PCBP3: variants seen among roughly 807,000 people sequenced by gnomAD.
The protein encoded by PCBP3 is poly(rC) binding protein 3, also known as poly(rC)-binding protein 3.
In PCBP3, 25 loss-of-function variants were observed where a neutral mutation model predicts 52.7. The observed-to-expected ratio is 0.47, with a 90% CI of 0.35 to 0.66. PCBP3 has a LOEUF of 0.66. PCBP3 is among the 30% of genes least tolerant of loss of function. The pLI is 0.01. For synonymous variants in PCBP3, 162 were observed against 183.0 expected, an observed-to-expected ratio of 0.89 and a Z score of 0.93; for missense variants, 391 against 490.3, an observed-to-expected ratio of 0.80 and a Z score of 1.91.
chr21:45,668,292 A>G (rs545786673), intron 1 of PCBP3, among the ~76,000 whole-genome samples: 2 of 152,240 alleles, frequency 1.3e-5, no homozygotes, highest in South Asian at 2.1e-4. Flanking sequence ...GAGTTAATAT[A>G]TTATTTGTTC....
At chr21:45,929,523 A>G (rs1442435996) in intron 13 of PCBP3, among the ~76,000 whole-genome samples, 1 of 152,050 alleles carries the variant, frequency 6.6e-6, no homozygotes, top group East Asian at 1.9e-4. Flanking sequence ...GTGACTAGTG[A>G]CTCGGCCTTG....
At chr21:45,648,450 G>A (rs2079467200) in intron 1 of PCBP3, among the ~76,000 whole-genome samples, 1 of 152,166 alleles carries the variant, frequency 6.6e-6, no homozygotes, top group Admixed American at 6.5e-5. Flanking sequence ...CCCACTTCCA[G>A]TCTCTCTCAG....
At chr21:45,896,962 C>T (rs9979966) in intron 6 of PCBP3, among the ~76,000 whole-genome samples, 21 of 70,768 alleles carry the variant, frequency 3.0e-4, no homozygotes, top group Admixed American at 5.1e-4. Flanking sequence ...ATGCACTGCC[C>T]GGGCCATTGT....
At chr21:45,779,272 T>A (rs1419612720) in intron 4 of PCBP3, among the ~76,000 whole-genome samples, 1 of 152,150 alleles carries the variant, frequency 6.6e-6, no homozygotes, top group Non-Finnish European at 1.5e-5. Flanking sequence ...TCTCCTGATG[T>A]TATTTTCAGG....
intron 4 of PCBP3, among the ~76,000 whole-genome samples, chr21:45,755,799 T>C (rs1019488040): frequency 4.6e-5 from 7 of 152,204 alleles, no homozygotes; most frequent in African/African-American, 1.7e-4. Flanking sequence ...TATTGTTGAT[T>C]TGTGAGGGTT....
At chr21:45,751,016 T>C (rs1051991663) in intron 3 of PCBP3, 5 of 152,130 alleles carry the variant, frequency 3.3e-5, no homozygotes, top group Non-Finnish European at 7.4e-5. Context: ...TGTTCTAAGG[T>C]GGTCTCTCAC....
At chr21:45,869,629 C>T (rs2839027) in intron 5 of PCBP3, among the ~76,000 whole-genome samples, 45,554 of 152,146 alleles carry the variant, frequency 0.3, 8,329 homozygotes, top group East Asian at 0.67. Flanking sequence ...GCCTGCAGGA[C>T]GCTGTCAGTG....
rs1205116435 is a variant in PCBP3 at position 45,928,131 on chromosome 21, TTCC to T, written c.718-1778_718-1776del. ...TCACTAGGACCCCAGATGCGCCTGC[TTCC>T]TCCTCCTGCCCCCGCAGGGCCTCGT... On this transcript the variant is annotated intron_variant, in intron 13 of 17. Coordinates refer to ENST00000681687, the MANE Select transcript of PCBP3 (RefSeq NM_001384156.1). The surrounding 1 kb of genome is among the most constrained non-coding windows in gnomAD (Gnocchi z 4.1). Among the ~76,000 whole-genome samples, 4 of 152,122 alleles carry T rather than the reference TTCC, an allele frequency of 2.6e-5. No individual in the cohort carries two copies.
chr21:45,782,877 A>G (rs1016472393), intron 4 of PCBP3, among the ~76,000 whole-genome samples: 2 of 152,240 alleles, frequency 1.3e-5, no homozygotes, highest in East Asian at 1.9e-4. Flanking sequence ...CACAGCATAC[A>G]CTTCTCTGTG....
chr21:45,663,671 G>A (rs2080569067), intron 1 of PCBP3, among the ~76,000 whole-genome samples: 1 of 152,234 alleles, frequency 6.6e-6, no homozygotes, highest in South Asian at 2.1e-4. Flanking sequence ...ACTTTTCAAA[G>A]ATCAGTTTTC....
chr21:45,793,660 C>T (rs1360240698), intron 4 of PCBP3, among the ~76,000 whole-genome samples: 8 of 152,182 alleles, frequency 5.3e-5, no homozygotes, highest in Admixed American at 5.2e-4. Flanking sequence ...AGCGGAGACT[C>T]CACAGGGGCT....
At chr21:45,751,488 C>T (rs943736609) in intron 3 of PCBP3, 1 of 152,192 alleles carries the variant, frequency 6.6e-6, no homozygotes, top group African/African-American at 2.4e-5. Context: ...CGCTCTGTAC[C>T]AGGGTGGAGT....
chr21:45,679,078 ATTTTTTTTTTTTT>A (rs34808106), intron 2 of PCBP3, among the ~76,000 whole-genome samples: 4 of 120,822 alleles, frequency 3.3e-5, no homozygotes, highest in South Asian at 2.8e-4. Flanking sequence ...GATTGTTAGC[ATTTTTTTTTTTTT>A]TTTTTTTTTA....
At chr21:45,929,207 G>A (rs2075858613) in intron 13 of PCBP3, among the ~76,000 whole-genome samples, 1 of 152,226 alleles carries the variant, frequency 6.6e-6, no homozygotes, top group Non-Finnish European at 1.5e-5. Context: ...AGGGCTGGGG[G>A]CAGCCTGCAG....
At chr21:45,858,404 C>G (rs8128525) in intron 5 of PCBP3, 4,842 of 152,404 alleles carry the variant, frequency 0.032, 264 homozygotes, top group African/African-American at 0.11. Flanking sequence ...AACGGCTTCT[C>G]GTCTTGTCTT....
chr21:45,879,548 G>A (rs28478132), intron 5 of PCBP3, among the ~76,000 whole-genome samples: 40,210 of 151,948 alleles, frequency 0.26, 7,731 homozygotes, highest in African/African-American at 0.55. Context: ...GTTCCCCAAG[G>A]CAGGTCATAT....
intron 13 of PCBP3, chr21:45,918,204 G>A (rs539407764): frequency 3.0e-5 from 5 of 164,904 alleles, no homozygotes; most frequent in South Asian, 1.7e-4. Context: ...CCTTGGCTCC[G>A]CCCGGGCCAT....
intron 11 of PCBP3, among the ~76,000 whole-genome samples, chr21:45,911,799 G>A (rs1210274384): frequency 6.6e-6 from 1 of 152,228 alleles, no homozygotes; most frequent in African/African-American, 2.4e-5. Context: ...CAAACCCCAT[G>A]TTTGACTCTT....
chr21:45,938,071 G>T (rs947108327), intron 16 of PCBP3, among the ~76,000 whole-genome samples: 1 of 152,186 alleles, frequency 6.6e-6, no homozygotes, highest in Non-Finnish European at 1.5e-5. Context: ...AGCAGGAGGG[G>T]GATGCGTGCC....
Sources: allele counts gnomAD v4.1 joint callset (sites outside exome capture counted in the v4.1 genomes callset), GRCh38; gene constraint gnomAD v4.1.1; non-coding constraint Gnocchi (gnomAD v3.1); transcripts MANE v1.5; gene names NCBI Gene and HGNC (gene_info 2026-07-23, HGNC 2026-07-21).